Variants in ARHGAP24 observed in about 807,000 individuals in gnomAD.
ARHGAP24 encodes the protein rho GTPase-activating protein 24.
ARHGAP24 carries 50 observed loss-of-function variants against 76.4 expected under a neutral mutation model. That is an observed-to-expected ratio of 0.65 (90% CI 0.52 to 0.83). The LOEUF is 0.83. Among genes scored for constraint, ARHGAP24 ranks in the 40% least tolerant of loss-of-function variants. ARHGAP24 has a pLI of 0.00. For missense variants in ARHGAP24, 930 were observed against 914.2 expected, an observed-to-expected ratio of 1.02 and a Z score of -0.22; for synonymous variants, 345 against 323.3, an observed-to-expected ratio of 1.07 and a Z score of -0.72.
In ARHGAP24 at chr4:85,927,960, T is replaced by C. The variant is rs569299805; in HGVS notation, c.391+4190T>C. Among the ~76,000 whole-genome samples, 3 of 152,256 alleles carry C rather than the reference T, an allele frequency of 2.0e-5. No homozygotes were observed. The South Asian group carries it at 6.2e-4, about 32-fold the overall frequency. On this transcript the variant is annotated intron_variant, in intron 4 of 9. Coordinates refer to ENST00000395184, the MANE Select transcript of ARHGAP24 (RefSeq NM_001025616.3). ...CTGTTAGGTGGAAATGTAAATAAAA[T>C]GTAGGGTTTTGGAATGATAGGCCTT...
In ARHGAP24 at chr4:85,917,698, C is replaced by T. The variant is rs143091041; in HGVS notation, c.269-5950C>T. 8.6e-4 allele frequency among the ~76,000 whole-genome samples: 131 copies of T among 152,226 alleles called. 2 individuals carry two copies. Among genetic ancestry groups the T allele is most frequent in the African/African-American group, 2.9e-3 (122 of 41,542 alleles). On this transcript the variant is annotated intron_variant, in intron 3 of 9. Coordinates refer to ENST00000395184, the MANE Select transcript of ARHGAP24 (RefSeq NM_001025616.3). ...CATTTTTTCATGTGTTTTTTGGCTG[C>T]ATAAATGTCTTCTTTTGAGAAGTGA...
intron 3 of ARHGAP24, among the ~76,000 whole-genome samples, chr4:85,912,162 C>A (rs1044885338): frequency 6.6e-6 from 1 of 151,984 alleles, no homozygotes; most frequent in African/African-American, 2.4e-5. Context: ...AGAAAATATC[C>A]CCAAGTATCC....
intron 1 of ARHGAP24, among the ~76,000 whole-genome samples, chr4:85,481,488 A>G (rs1722814587): frequency 6.6e-6 from 1 of 152,150 alleles, no homozygotes; most frequent in Non-Finnish European, 1.5e-5. Flanking sequence ...ACAGCATCCT[A>G]GTGCTGATGA....
chr4:85,640,758 A>G (rs910402729), intron 2 of ARHGAP24, among the ~76,000 whole-genome samples: 2 of 152,074 alleles, frequency 1.3e-5, no homozygotes, highest in Admixed American at 1.3e-4. Context: ...TATACTTGCT[A>G]CCTCTTTAAG....
intron 2 of ARHGAP24, among the ~76,000 whole-genome samples, chr4:85,657,564 A>T (rs1283687905): frequency 6.6e-6 from 1 of 152,196 alleles, no homozygotes; most frequent in Non-Finnish European, 1.5e-5. Context: ...AAATGGTCAA[A>T]ACAGAGTAGT....
intron 3 of ARHGAP24, among the ~76,000 whole-genome samples, chr4:85,811,848 T>C (rs2110113683): frequency 6.6e-6 from 1 of 152,326 alleles, no homozygotes; most frequent in South Asian, 2.1e-4. Flanking sequence ...AAATAAAAGC[T>C]GGTAACATAA....
intron 2 of ARHGAP24, among the ~76,000 whole-genome samples, chr4:85,572,283 C>A (rs1442006652): frequency 1.3e-5 from 2 of 152,048 alleles, no homozygotes; most frequent in African/African-American, 2.4e-5. Context: ...TTTAGGGGGT[C>A]CAATGTGGGG....
At chr4:85,812,237 CAAGT>C (rs1322166398) in intron 3 of ARHGAP24, among the ~76,000 whole-genome samples, 11 of 151,874 alleles carry the variant, frequency 7.2e-5, no homozygotes, top group African/African-American at 1.9e-4. Flanking sequence ...ATTGGAGCGC[CAAGT>C]AAGTGAGAAC....
At chr4:85,733,060 C>CCTTTTTTTTTTTTTTTTTTTTTTT (rs1460021134) in intron 3 of ARHGAP24, among the ~76,000 whole-genome samples, 1 of 55,206 alleles carries the variant, frequency 1.8e-5, no homozygotes, top group Admixed American at 3.9e-4. Context: ...GCCTCACCAA[C>CCTTTTTTTTTTTTTTTTTTTTTTT]TTTTTTTTTT....
chr4:85,893,831 C>T (rs1307663763), intron 3 of ARHGAP24, among the ~76,000 whole-genome samples: 1 of 150,308 alleles, frequency 6.7e-6, no homozygotes, highest in Admixed American at 6.7e-5. Flanking sequence ...CCATCATTCT[C>T]AGTAAACTAT....
intron 2 of ARHGAP24, among the ~76,000 whole-genome samples, chr4:85,612,970 T>C (rs1220180890): frequency 6.6e-6 from 1 of 151,884 alleles, no homozygotes; most frequent in Non-Finnish European, 1.5e-5. Context: ...CTAATTTTTG[T>C]ATTTTTTTGT....
chr4:85,972,255 C>T (rs908864430), intron 6 of ARHGAP24, 87 bp downstream of exon 6: 2 of 1,553,660 alleles, frequency 1.3e-6, no homozygotes, highest in Non-Finnish European at 1.8e-6. Flanking sequence ...TTTCCATTGC[C>T]CTATCCCGGT....
At chr4:85,901,657 T>G (rs1051138004) in intron 3 of ARHGAP24, among the ~76,000 whole-genome samples, 4 of 152,162 alleles carry the variant, frequency 2.6e-5, no homozygotes, top group African/African-American at 9.7e-5. Context: ...ACTTACCAAT[T>G]GCTTCACCCT....
intron 3 of ARHGAP24, among the ~76,000 whole-genome samples, chr4:85,902,801 G>C (rs549650132): frequency 2.0e-5 from 3 of 152,206 alleles, no homozygotes; most frequent in African/African-American, 7.2e-5. Flanking sequence ...ACGAGTTTTT[G>C]CCATGTTGGC....
chr4:85,864,745 G>C (rs897260161), intron 3 of ARHGAP24, among the ~76,000 whole-genome samples: 1 of 152,074 alleles, frequency 6.6e-6, no homozygotes, highest in Non-Finnish European at 1.5e-5. Context: ...TCTGCAATGA[G>C]TAAGAGCAGT....
chr4:85,766,031 A>G (rs1033953537), intron 3 of ARHGAP24, among the ~76,000 whole-genome samples: 1 of 152,148 alleles, frequency 6.6e-6, no homozygotes, highest in Admixed American at 6.5e-5. Flanking sequence ...CACTGCACTT[A>G]ATCATTAGTC....
intron 3 of ARHGAP24, chr4:85,723,374 T>C (rs1016304749): frequency 4.6e-5 from 7 of 152,352 alleles, no homozygotes; most frequent in African/African-American, 1.7e-4. Context: ...TTTTCAATAC[T>C]GTTTTAGAGA....
chr4:85,921,203 A>T (rs1420146561), intron 3 of ARHGAP24, among the ~76,000 whole-genome samples: 2 of 152,208 alleles, frequency 1.3e-5, no homozygotes, highest in African/African-American at 4.8e-5. Context: ...TAGCCATTTA[A>T]AAAAAGAACA....
At chr4:85,583,487 C>A (rs974870758) in intron 2 of ARHGAP24, among the ~76,000 whole-genome samples, 12 of 152,102 alleles carry the variant, frequency 7.9e-5, no homozygotes, top group Non-Finnish European at 1.8e-4. Flanking sequence ...ACCATAAAAA[C>A]CCTAGAAGAA....
Sources: allele counts gnomAD v4.1 joint callset (sites outside exome capture counted in the v4.1 genomes callset), GRCh38; gene constraint gnomAD v4.1.1; transcripts MANE v1.5; gene names NCBI Gene and HGNC (gene_info 2026-07-23, HGNC 2026-07-21).